DEPDC4: variants seen among roughly 807,000 people sequenced by gnomAD.
DEPDC4 encodes the protein DEP domain-containing protein 4.
DEPDC4 carries 52 observed loss-of-function variants against 52.0 expected under a neutral mutation model. The observed-to-expected ratio is 1.00, with a 90% CI of 0.80 to 1.26. DEPDC4 has a LOEUF of 1.26. DEPDC4 is among the 50% of genes most tolerant of loss of function. The pLI is 0.00. For missense variants in DEPDC4, 530 were observed against 546.9 expected, an observed-to-expected ratio of 0.97 and a Z score of 0.31; for synonymous variants, 201 against 196.8, an observed-to-expected ratio of 1.02 and a Z score of -0.18.
At position 100,253,604 on chromosome 12, in the gene DEPDC4, C is replaced by A; in HGVS notation, c.990G>T (p.Leu330Phe). 7.8e-7 allele frequency: 1 copy of A among 1,289,212 alleles called. No individual in the cohort carries two copies. Among genetic ancestry groups the A allele is most frequent in the Non-Finnish European group, 1.0e-6 (1 of 988,558 alleles). 79.9% of individuals were successfully genotyped at this position (1,289,212 alleles called of 1,614,324 possible). A position where few individuals can be genotyped will look rare whatever the true frequency, so the allele number is the denominator to read the frequency against. Residue 330 changes from leucine to phenylalanine, a missense_variant, in exon 5 of 10, where the codon TTG becomes TTT. Coordinates refer to ENST00000550587, the MANE Select transcript of DEPDC4 (RefSeq NM_001364818.2). ...LMQNRNEETR[L>F]NSQKKILFDV... ...CAAAGAGTATCTTCTTCTGACTGTT[C>A]AATCTTGTCTCTTCATTTCTGTTTT...
intron 8 of DEPDC4, among the ~76,000 whole-genome samples, chr12:100,246,846 G>C (rs1168363828): frequency 6.6e-6 from 1 of 152,074 alleles, no homozygotes; most frequent in African/African-American, 2.4e-5. Flanking sequence ...GCTGAGGCAG[G>C]AGAATCACTT....
chr12:100,262,951 C>T (rs1043932341), intron 2 of DEPDC4, among the ~76,000 whole-genome samples: 2 of 152,156 alleles, frequency 1.3e-5, no homozygotes, highest in African/African-American at 2.4e-5. Flanking sequence ...ATATAATTCA[C>T]ATCCCATAAA....
chr12:100,241,184 T>A lies in DEPDC4; in HGVS notation c.*708A>T, dbSNP rs767749151. 6.6e-6 allele frequency among the ~76,000 whole-genome samples: 1 copy of A among 152,212 alleles called. No homozygotes were observed. Among genetic ancestry groups the A allele is most frequent in the Non-Finnish European group, 1.5e-5 (1 of 68,046 alleles). On this transcript the variant is annotated 3_prime_UTR_variant, in exon 10 of 10. Transcript: ENST00000550587. Reference sequence around the variant, plus strand: ...ATCATATACTAAGGAAAATGCATGCTTTCTTCAGAGAGCTTGTGTATGAAA... The same window carrying A: ...ATCATATACTAAGGAAAATGCATGCATTCTTCAGAGAGCTTGTGTATGAAA...
intron 7 of DEPDC4, 52 bp downstream of exon 7, chr12:100,252,124 T>G: frequency 9.0e-7 from 1 of 1,116,484 alleles, no homozygotes. Flanking sequence ...GCTTTTCTGC[T>G]TGACACAAGT....
chr12:100,252,354 A>G, intron 6 of DEPDC4, 40 bp downstream of exon 6: 1 of 1,491,962 alleles, frequency 6.7e-7, no homozygotes, highest in Non-Finnish European at 8.8e-7. Context: ...GGAAAAAAAT[A>G]GCAAAAAAAA....
chr12:100,239,217 C>A (rs192592293), downstream of DEPDC4, among the ~76,000 whole-genome samples: 28 of 152,182 alleles, frequency 1.8e-4, no homozygotes, highest in African/African-American at 6.3e-4. Context: ...GCTGGGATTA[C>A]AGGTGCCCAC....
At chr12:100,258,261 TAC>T (rs2096241894) in intron 3 of DEPDC4, among the ~76,000 whole-genome samples, 1 of 152,078 alleles carries the variant, frequency 6.6e-6, no homozygotes, top group Non-Finnish European at 1.5e-5. Flanking sequence ...AACTGGAGGA[TAC>T]ATTTGAAGAT....
chr12:100,272,953 C>T, the DEPDC4 span, among the ~76,000 whole-genome samples: 1,199 of 152,284 alleles, frequency 7.9e-3, 5 homozygotes, highest in Non-Finnish European at 0.012. Context: ...CATCTCTTCT[C>T]TATCTTCCTT....
chr12:100,247,767 C>T (rs77326168), intron 8 of DEPDC4, among the ~76,000 whole-genome samples: 2,021 of 152,184 alleles, frequency 0.013, 48 homozygotes, highest in African/African-American at 0.045. Context: ...CCATATACTC[C>T]GTATTCAAAG....
At chr12:100,261,860 T>G in intron 3 of DEPDC4, 1 of 451,340 alleles carries the variant, frequency 2.2e-6, no homozygotes, top group Non-Finnish European at 4.5e-6. Flanking sequence ...AAAATATTAG[T>G]GGTTGCCTAA....
At chr12:100,279,655 C>T in the DEPDC4 span, among the ~76,000 whole-genome samples, 1 of 152,134 alleles carries the variant, frequency 6.6e-6, no homozygotes, top group Non-Finnish European at 1.5e-5. Context: ...TTTAGATTAG[C>T]TTTTACTCTA....
chr12:100,268,194 C>T (rs962043575), upstream of DEPDC4, among the ~76,000 whole-genome samples: 4 of 152,152 alleles, frequency 2.6e-5, no homozygotes, highest in African/African-American at 9.7e-5. Context: ...TTTTTTAGTA[C>T]GTCAAACTCA....
the DEPDC4 span, among the ~76,000 whole-genome samples, chr12:100,278,862 T>G: frequency 2.3e-3 from 349 of 152,180 alleles, no homozygotes; most frequent in African/African-American, 7.9e-3. Flanking sequence ...TCTTTTGACC[T>G]TGTGATCTGC....
chr12:100,244,845 C>T (rs181685742), intron 8 of DEPDC4, among the ~76,000 whole-genome samples: 23 of 150,450 alleles, frequency 1.5e-4, no homozygotes, highest in African/African-American at 4.4e-4. Context: ...TCAACCACAA[C>T]GTCCCATGCT....
At chr12:100,268,066 G>A (rs1247767220), upstream of DEPDC4, among the ~76,000 whole-genome samples, 2 of 152,170 alleles carry the variant, frequency 1.3e-5, no homozygotes, top group Non-Finnish European at 2.9e-5. Flanking sequence ...ACATACCTGT[G>A]ATCCGTAATT....
the DEPDC4 span, among the ~76,000 whole-genome samples, chr12:100,277,966 G>A: frequency 8.6e-5 from 13 of 152,016 alleles, no homozygotes; most frequent in South Asian, 4.2e-4. Flanking sequence ...AAATGATACT[G>A]TACTGCCTCA....
intron 2 of DEPDC4, among the ~76,000 whole-genome samples, chr12:100,262,787 T>C (rs370862946): frequency 6.6e-6 from 1 of 152,194 alleles, no homozygotes; most frequent in South Asian, 2.1e-4. Context: ...CTCTGAAAAA[T>C]TTATGTGATA....
At chr12:100,238,463 C>CT (rs904206161), downstream of DEPDC4, among the ~76,000 whole-genome samples, 16 of 130,746 alleles carry the variant, frequency 1.2e-4, no homozygotes, top group Admixed American at 7.8e-4. Flanking sequence ...CCCAGCCTTT[C>CT]TTTTTTTTTA....
chr12:100,273,655 T>C, the DEPDC4 span, among the ~76,000 whole-genome samples: 2 of 152,232 alleles, frequency 1.3e-5, no homozygotes, highest in Non-Finnish European at 2.9e-5. Context: ...TATGTAACTG[T>C]AGTTTGCAGA....
Sources: gnomAD v4.1 joint callset for allele counts (sites outside exome capture counted in the v4.1 genomes callset) on GRCh38, gnomAD v4.1.1 for gene constraint, MANE v1.5 for transcripts, NCBI Gene and HGNC (gene_info 2026-07-23, HGNC 2026-07-21) for gene names.